The following LOXHD1 variants were observed in gnomAD, a reference collection of about 807,000 sequenced individuals.
LOXHD1 encodes lipoxygenase homology domain-containing protein 1.
A neutral mutation model predicts 248.2 loss-of-function variants in LOXHD1; 205 were observed. The observed-to-expected ratio is 0.83, with a 90% CI of 0.74 to 0.93. The LOEUF (loss-of-function observed/expected upper bound fraction) is 0.93. Among genes scored for constraint, LOXHD1 ranks in the 40% least tolerant of loss-of-function variants. The probability of loss-of-function intolerance (pLI) is 0.00; values close to 1 mark genes in which losing one functional copy is unlikely to be tolerated. For synonymous variants in LOXHD1, 1,113 were observed against 1,162.8 expected, an observed-to-expected ratio of 0.96 and a Z score of 0.87; for missense variants, 2,930 against 2,971.6, an observed-to-expected ratio of 0.99 and a Z score of 0.33.
In LOXHD1 at chr18:46,616,523, A is replaced by G. The variant is rs867596872; in HGVS notation, c.610+1669T>C. Among the ~76,000 whole-genome samples the G allele has an allele frequency of 7.2e-5, 11 of 152,276 alleles. No individual in the cohort carries two copies. The East Asian group carries it at 1.7e-3, about 24-fold the overall frequency. On this transcript the variant is annotated intron_variant, in intron 5 of 40. Coordinates refer to ENST00000642948, the MANE Select transcript of LOXHD1 (RefSeq NM_001384474.1). ...TCATTTTTGTTGTTTTGTATAGTCA[A>G]TGCTTGCTTAGATTCATTACATAGT...
At chr18:46,533,598 G>A (rs1174448717) in intron 27 of LOXHD1, 5 of 413,460 alleles carry the variant, frequency 1.2e-5, no homozygotes, top group Non-Finnish European at 2.2e-5. Flanking sequence ...AGATTCAGTG[G>A]GTAAGAGGAG....
chr18:46,571,948 C>T (rs148751363), intron 15 of LOXHD1, 138 bp downstream of exon 15: 13 of 729,030 alleles, frequency 1.8e-5, no homozygotes, highest in South Asian at 6.9e-5. Flanking sequence ...GACACTCCCT[C>T]GGAGCCTCCC....
rs935441706 is a variant in LOXHD1 at position 46,569,769 on chromosome 18, C to G, written c.2048-131G>C. 7 of 709,418 alleles carry G rather than the reference C, an allele frequency of 9.9e-6. No homozygotes were observed. The African/African-American group carries it at 1.3e-4, about 13-fold the overall frequency. 43.9% of individuals were successfully genotyped at this position (709,418 alleles called of 1,614,324 possible). A position where few individuals can be genotyped will look rare whatever the true frequency, so the allele number is the denominator to read the frequency against. ...GAACACACGCTGGGAATTGAAAATC[C>G]AGGCTCCTGTTCTAAGCAGCCCTGC... On this transcript the variant is annotated intron_variant, in intron 15 of 40. Transcript: ENST00000642948.
At chr18:46,615,679 G>A (rs184504181) in intron 5 of LOXHD1, among the ~76,000 whole-genome samples, 1 of 152,256 alleles carries the variant, frequency 6.6e-6, no homozygotes, top group Non-Finnish European at 1.5e-5. Context: ...GTTGGATGCA[G>A]TAATCTATAT....
At chr18:46,507,453 G>A in intron 36 of LOXHD1, 85 bp downstream of exon 36, 1 of 1,474,820 alleles carries the variant, frequency 6.8e-7, no homozygotes, top group Non-Finnish European at 9.2e-7. Context: ...GAAGAAAAAT[G>A]CCCTGACCAG....
intron 16 of LOXHD1, among the ~76,000 whole-genome samples, chr18:46,567,650 A>G (rs1296853282): frequency 1.3e-5 from 2 of 152,238 alleles, no homozygotes; most frequent in African/African-American, 2.4e-5. Context: ...CCTGACATAG[A>G]CTAATTGTTC....
At position 46,538,366 on chromosome 18, in the gene LOXHD1, A is replaced by C. The variant is rs1363854640; in HGVS notation, c.3914-29T>G. The C allele has an allele frequency of 2.0e-6, 3 of 1,529,804 alleles. No individual in the cohort carries two copies. The Admixed American group carries it at 5.9e-5, about 30-fold the overall frequency. 94.8% of individuals were successfully genotyped at this position (1,529,804 alleles called of 1,614,324 possible). A position where few individuals can be genotyped will look rare whatever the true frequency, so the allele number is the denominator to read the frequency against. On this transcript the variant is annotated intron_variant, in intron 25 of 40. Coordinates refer to ENST00000642948, the MANE Select transcript of LOXHD1 (RefSeq NM_001384474.1). ...AGGGTGGTGGTCAGAGGGCAAAGCC[A>C]GAGTGGATGAGAGAACAGAAAACAA...
chr18:46,618,906 C>T (rs2038628609), intron 4 of LOXHD1, among the ~76,000 whole-genome samples: 1 of 152,228 alleles, frequency 6.6e-6, no homozygotes, highest in Non-Finnish European at 1.5e-5. Context: ...CCTGTATCTG[C>T]TTCCTGTATC....
At chr18:46,496,908 C>G (rs1023327460) in intron 37 of LOXHD1, among the ~76,000 whole-genome samples, 1 of 152,198 alleles carries the variant, frequency 6.6e-6, no homozygotes, top group Admixed American at 6.5e-5. Flanking sequence ...GAGGCTGAGA[C>G]AGAAGAATCA....
chr18:46,650,203 T>G (rs1170656786), intron 1 of LOXHD1, among the ~76,000 whole-genome samples: 1 of 152,166 alleles, frequency 6.6e-6, no homozygotes, highest in African/African-American at 2.4e-5. Flanking sequence ...CATTCCATTA[T>G]GAGATTTTCA....
At chr18:46,614,417 T>C (rs2038554633) in intron 5 of LOXHD1, among the ~76,000 whole-genome samples, 1 of 152,220 alleles carries the variant, frequency 6.6e-6, no homozygotes, top group African/African-American at 2.4e-5. Flanking sequence ...ATGTCCTTTT[T>C]ACGGACGTGG....
chr18:46,567,712 T>G (rs1488924360), intron 16 of LOXHD1, among the ~76,000 whole-genome samples: 2 of 152,214 alleles, frequency 1.3e-5, no homozygotes, highest in Non-Finnish European at 2.9e-5. Context: ...ATTCACATAT[T>G]TAATACTAAT....
At chr18:46,506,403 G>A (rs2034575898) in intron 36 of LOXHD1, among the ~76,000 whole-genome samples, 1 of 152,212 alleles carries the variant, frequency 6.6e-6, no homozygotes, top group Admixed American at 6.5e-5. Context: ...AGGAAGCAGG[G>A]AAGTTCTGTG....
intron 17 of LOXHD1, among the ~76,000 whole-genome samples, chr18:46,565,876 CTG>C (rs1002897334): frequency 2.5e-4 from 38 of 151,308 alleles, no homozygotes; most frequent in African/African-American, 9.3e-4. Flanking sequence ...GGAGGGCTGA[CTG>C]TGTATTTTTT....
intron 33 of LOXHD1, among the ~76,000 whole-genome samples, chr18:46,519,643 C>A (rs1371184560): frequency 6.6e-6 from 1 of 152,142 alleles, no homozygotes; most frequent in Non-Finnish European, 1.5e-5. Context: ...TTGCTCTTAT[C>A]CAGGCAGGCA....
At chr18:46,555,877 ACT>A (rs1270481006) in intron 21 of LOXHD1, among the ~76,000 whole-genome samples, 1 of 151,358 alleles carries the variant, frequency 6.6e-6, no homozygotes, top group African/African-American at 2.4e-5. Flanking sequence ...AAGACATAAC[ACT>A]CTCTTCCCAG....
chr18:46,507,736 G>A (rs1447035689), intron 35 of LOXHD1, 24 bp from the exon 36 acceptor site: 2 of 1,541,424 alleles, frequency 1.3e-6, no homozygotes, highest in Non-Finnish European at 1.8e-6. Flanking sequence ...AGCCACCGTG[G>A]GAATGCCCTG....
intron 37 of LOXHD1, among the ~76,000 whole-genome samples, chr18:46,501,907 A>T (rs1409168044): frequency 6.6e-6 from 1 of 152,182 alleles, no homozygotes; most frequent in Non-Finnish European, 1.5e-5. Flanking sequence ...AAAGGGGGAA[A>T]CTTGCATGTC....
In LOXHD1 at chr18:46,559,614, G is replaced by T. The variant is rs1391080397; in HGVS notation, c.3062-12C>A. ...CTCATAGGTGTTTCCTGTAGACACA[G>T]AAAGATGCAGTGTGGAGGGCCTCAT... is the stretch of plus-strand genomic sequence containing the variant. On this transcript the variant is annotated splice_polypyrimidine_tract_variant and intron_variant, in intron 19 of 40. Coordinates refer to ENST00000642948, the MANE Select transcript of LOXHD1 (RefSeq NM_001384474.1). The T allele has an allele frequency of 5.2e-6, 8 of 1,551,008 alleles. No homozygotes were observed. Among genetic ancestry groups the T allele is most frequent in the Non-Finnish European group, 7.0e-6 (8 of 1,146,478 alleles).
Sources: gnomAD v4.1 joint callset for allele counts (sites outside exome capture counted in the v4.1 genomes callset) on GRCh38, gnomAD v4.1.1 for gene constraint, MANE v1.5 for transcripts, NCBI Gene and HGNC (gene_info 2026-07-23, HGNC 2026-07-21) for gene names.